ADAMTS16: variants seen among roughly 807,000 people sequenced by gnomAD.
ADAMTS16 encodes the protein A disintegrin and metalloproteinase with thrombospondin motifs 16.
In ADAMTS16, 94 loss-of-function variants were observed where a neutral mutation model predicts 145.8. That is an observed-to-expected ratio of 0.64 (90% CI 0.55 to 0.77). ADAMTS16 has a LOEUF of 0.77. Among genes scored for constraint, ADAMTS16 ranks in the 30% least tolerant of loss-of-function variants. The pLI is 0.00. For synonymous variants in ADAMTS16, 659 were observed against 604.3 expected, an observed-to-expected ratio of 1.09 and a Z score of -1.33; for missense variants, 1,585 against 1,591.5, an observed-to-expected ratio of 1.00 and a Z score of 0.07.
At chr5:5,272,360 A>ATTTT (rs11444357) in intron 18 of ADAMTS16, among the ~76,000 whole-genome samples, 7 of 122,500 alleles carry the variant, frequency 5.7e-5, no homozygotes, top group East Asian at 2.4e-4. Context: ...ATTCCAAAGG[A>ATTTT]TTTTTTTTTT....
In ADAMTS16 at chr5:5,191,687, T is replaced by C. The variant is rs1159343053; in HGVS notation, c.1210T>C (p.Phe404Leu). 6.2e-7 allele frequency: 1 copy of C among 1,612,410 alleles called. No individual in the cohort carries two copies. Among genetic ancestry groups the C allele is most frequent in the African/African-American group, 1.3e-5 (1 of 75,004 alleles). ...WKNEPCDTLG[F>L]APISGMCSKY... ...CTTTTGATCTTTGTCCTTCACAGGA[T>C]TTGCACCCATAAGTGGAATGTGTAG... Residue 404 changes from phenylalanine (F) to leucine (L), a missense_variant and splice_region_variant, in exon 8 of 23, where the codon TTT (phenylalanine) becomes CTT (leucine). Phe to Leu is a conservative substitution (Grantham distance 22). Coordinates refer to ENST00000274181, the MANE Select transcript of ADAMTS16 (RefSeq NM_139056.4).
intron 4 of ADAMTS16, among the ~76,000 whole-genome samples, chr5:5,183,961 T>C (rs1433411981): frequency 1.3e-5 from 2 of 152,180 alleles, no homozygotes; most frequent in Admixed American, 6.5e-5. Context: ...ACAAACTGCC[T>C]CTTGTAGGTG....
intron 4 of ADAMTS16, among the ~76,000 whole-genome samples, chr5:5,183,837 T>G (rs1735415395): frequency 6.6e-6 from 1 of 152,204 alleles, no homozygotes; most frequent in Admixed American, 6.5e-5. Context: ...ATAGTGGTGG[T>G]AAGTGAAAGG....
chr5:5,316,916 T>C lies in ADAMTS16; in HGVS notation c.3412-1218T>C, dbSNP rs1249764336. On this transcript the variant is annotated intron_variant, in intron 21 of 22. Coordinates refer to ENST00000274181, the MANE Select transcript of ADAMTS16 (RefSeq NM_139056.4). ...TGGTATCCCCAGATATGCACCAGTT[T>C]CCTTGTGGCCATGCAACCATCATTG... 3.9e-5 allele frequency among the ~76,000 whole-genome samples: 6 copies of C among 152,336 alleles called. No homozygotes were observed. The East Asian group carries it at 1.2e-3, about 29-fold the overall frequency.
intron 21 of ADAMTS16, among the ~76,000 whole-genome samples, chr5:5,308,262 A>G (rs1358457186): frequency 1.3e-5 from 2 of 152,174 alleles, no homozygotes; most frequent in Non-Finnish European, 2.9e-5. Context: ...CCTGTCTCCA[A>G]AGACATTTCC....
chr5:5,255,733 G>A (rs192995439), intron 17 of ADAMTS16, among the ~76,000 whole-genome samples: 1 of 152,344 alleles, frequency 6.6e-6, no homozygotes, highest in East Asian at 1.9e-4. Context: ...ACAGAGGAGA[G>A]TGTGAAAGAA....
Position 5,232,804 on chromosome 5 carries a change from T to C in ADAMTS16, c.1850+288T>C, listed in dbSNP as rs370527732. On this transcript the variant is annotated intron_variant, in intron 12 of 22. Coordinates refer to ENST00000274181, the MANE Select transcript of ADAMTS16 (RefSeq NM_139056.4). ...TTCTAGTAGAGACACGGTTTTACCA[T>C]GTTGGTCAGGCTGGTCTCGAACTCC... Among the ~76,000 whole-genome samples the C allele has an allele frequency of 2.0e-5, 3 of 152,072 alleles. No homozygotes were observed. The South Asian group carries it at 6.3e-4, about 32-fold the overall frequency.
rs545801213 is a variant in ADAMTS16, at chr5:5,187,714, G to C, written c.964-11G>C. The stretch of plus-strand genomic sequence containing the variant: ...TTTATGGGGCTGACATGGATTTCCT[G>C]TCTTTTTCAGGTATCTGCTTTATTC... On this transcript the variant is annotated splice_polypyrimidine_tract_variant and intron_variant, in intron 5 of 22. Coordinates refer to ENST00000274181, the MANE Select transcript of ADAMTS16 (RefSeq NM_139056.4). 1.3e-6 allele frequency: 2 copies of C among 1,599,956 alleles called. No homozygotes were observed. The highest frequency in any genetic ancestry group is 8.6e-7 in the Non-Finnish European group (1 of 1,167,768).
intron 9 of ADAMTS16, among the ~76,000 whole-genome samples, chr5:5,207,353 C>T (rs539068843): frequency 1.3e-5 from 2 of 152,148 alleles, no homozygotes; most frequent in South Asian, 4.2e-4. Flanking sequence ...TTGTCACTGG[C>T]ATATAGAAAA....
chr5:5,282,188 T>C (rs917680159), intron 18 of ADAMTS16, among the ~76,000 whole-genome samples: 5 of 152,106 alleles, frequency 3.3e-5, no homozygotes, highest in Admixed American at 1.3e-4. Context: ...GCCAGACACA[T>C]TGATTTGTGG....
intron 2 of ADAMTS16, among the ~76,000 whole-genome samples, chr5:5,144,839 C>G (rs771155271): frequency 1.3e-5 from 2 of 152,210 alleles, no homozygotes; most frequent in Non-Finnish European, 2.9e-5. Flanking sequence ...GAACATTCCT[C>G]TGCTCTTAGA....
intron 11 of ADAMTS16, among the ~76,000 whole-genome samples, chr5:5,227,094 T>C (rs1472127032): frequency 6.6e-6 from 1 of 152,264 alleles, no homozygotes; most frequent in Non-Finnish European, 1.5e-5. Flanking sequence ...TGGTAGTTTC[T>C]ATCATCGCTA....
chr5:5,210,406 C>T (rs770188681), intron 10 of ADAMTS16, among the ~76,000 whole-genome samples: 21 of 152,090 alleles, frequency 1.4e-4, no homozygotes, highest in Non-Finnish European at 2.4e-4. Flanking sequence ...TTATTGAGGA[C>T]ATATTTACAT....
chr5:5,202,099 T>G (rs1735975856), intron 9 of ADAMTS16, among the ~76,000 whole-genome samples: 2 of 152,168 alleles, frequency 1.3e-5, no homozygotes, highest in South Asian at 4.1e-4. Flanking sequence ...CACCTGGGGC[T>G]GGATTGCCCC....
chr5:5,183,689 C>T (rs370362875), intron 4 of ADAMTS16, among the ~76,000 whole-genome samples: 1 of 152,194 alleles, frequency 6.6e-6, no homozygotes, highest in African/African-American at 2.4e-5. Flanking sequence ...GCTGGTGGCA[C>T]AGCTAAGGCA....
intron 10 of ADAMTS16, among the ~76,000 whole-genome samples, chr5:5,216,818 C>T (rs1213854746): frequency 7.1e-6 from 1 of 140,350 alleles, no homozygotes; most frequent in Non-Finnish European, 1.5e-5. Context: ...CATGTGATCT[C>T]ATTGTTCAAT....
intron 8 of ADAMTS16, among the ~76,000 whole-genome samples, chr5:5,198,121 A>G (rs1735856144): frequency 6.6e-6 from 1 of 152,216 alleles, no homozygotes; most frequent in Non-Finnish European, 1.5e-5. Flanking sequence ...GTAGGCAGAC[A>G]CGGTAGCAAG....
intron 3 of ADAMTS16, among the ~76,000 whole-genome samples, chr5:5,150,511 A>G (rs552960581): frequency 2.6e-5 from 4 of 152,260 alleles, no homozygotes; most frequent in Non-Finnish European, 5.9e-5. Context: ...GGCACCCAGA[A>G]AAGCAGCCCA....
In ADAMTS16 at chr5:5,146,262, G is replaced by C. The variant is rs1387435969; in HGVS notation, c.308G>C (p.Gly103Ala). 1.2e-6 allele frequency: 2 copies of C among 1,614,066 alleles called. No individual in the cohort carries two copies. Among genetic ancestry groups the C allele is most frequent in the Non-Finnish European group, 1.7e-6 (2 of 1,180,040 alleles). The change falls in exon 3 of 23, where the codon GGC becomes GCC. Residue 103 changes from glycine to alanine, a missense_variant. This residue lies in a region of ADAMTS16 where 453 missense variants were observed against 412.1 expected (regional missense o/e 1.10). Coordinates refer to ENST00000274181, the MANE Select transcript of ADAMTS16 (RefSeq NM_139056.4). ...EVESLHLRLK[G>A]SRHDFHMDLR... ...GAGTCTCTTCACCTTCGGCTGAAAG[G>C]CTCCAGGCACGACTTCCACATGGAT... is the stretch of plus-strand genomic sequence containing the variant.
Sources: gnomAD v4.1 joint callset for allele counts (sites outside exome capture counted in the v4.1 genomes callset) on GRCh38, gnomAD v4.1.1 for gene constraint, gnomAD v4.1.1 regional missense constraint, MANE v1.5 for transcripts, NCBI Gene and HGNC (gene_info 2026-07-23, HGNC 2026-07-21) for gene names.